TBC1D12: variants seen among roughly 807,000 people sequenced by gnomAD.
TBC1D12 encodes the protein TBC1 domain family, member 12.
TBC1D12 carries 56 observed loss-of-function variants against 86.7 expected under a neutral mutation model. The observed-to-expected ratio is 0.65, with a 90% CI of 0.52 to 0.81. The LOEUF (loss-of-function observed/expected upper bound fraction) is 0.81, where lower values mean the gene tolerates loss of function less well. TBC1D12 is among the 30% of genes least tolerant of loss of function. The pLI, the probability that TBC1D12 is intolerant of heterozygous loss-of-function variation, is 0.00. For missense variants in TBC1D12, 1,023 were observed against 1,038.8 expected, an observed-to-expected ratio of 0.98 and a Z score of 0.21; for synonymous variants, 421 against 411.7, an observed-to-expected ratio of 1.02 and a Z score of -0.27.
intron 9 of TBC1D12, among the ~76,000 whole-genome samples, chr10:94,516,075 G>C (rs576738175): frequency 6.7e-6 from 1 of 149,748 alleles, no homozygotes; most frequent in South Asian, 2.2e-4. Flanking sequence ...ACTGTTGACC[G>C]TAGGAAACTG....
At chr10:94,480,635 C>T (rs1404232196) in intron 3 of TBC1D12, among the ~76,000 whole-genome samples, 1 of 151,720 alleles carries the variant, frequency 6.6e-6, no homozygotes, top group African/African-American at 2.4e-5. Flanking sequence ...TTTCCCAGTT[C>T]AGTGACTGCA....
intron 1 of TBC1D12, among the ~76,000 whole-genome samples, chr10:94,406,697 A>G (rs1219975382): frequency 6.6e-6 from 1 of 152,104 alleles, no homozygotes; most frequent in African/African-American, 2.4e-5. Flanking sequence ...ATCCAACCCT[A>G]CCCCTAAATG....
rs114970079 is a variant in TBC1D12, at chr10:94,468,532, A to G, written c.1096-6136A>G. 8.1e-3 allele frequency among the ~76,000 whole-genome samples: 1,237 copies of G among 152,186 alleles called. 16 individuals are homozygous for G. Among genetic ancestry groups the G allele is most frequent in the African/African-American group, 0.027 (1,117 of 41,524 alleles). On this transcript the variant is annotated intron_variant, in intron 2 of 12. Transcript: ENST00000225235. ...ATTTTTCTATTGTCTTTTGACTGGAATAATTTTAGGGGAAAAGTCTTGTAA... is the reference window on the plus strand; with the variant it reads ...ATTTTTCTATTGTCTTTTGACTGGAGTAATTTTAGGGGAAAAGTCTTGTAA...
chr10:94,403,591 C>G lies in TBC1D12; in HGVS notation c.971+7C>G, dbSNP rs751121015. 1.4e-6 allele frequency: 2 copies of G among 1,459,350 alleles called. No individual in the cohort carries two copies. Among genetic ancestry groups the G allele is most frequent in the Non-Finnish European group, 1.8e-6 (2 of 1,115,084 alleles). The allele number at this position is 1,459,350 out of a possible 1,614,324, so 90.4% of individuals were successfully genotyped here. A position where few individuals can be genotyped will look rare whatever the true frequency, so the allele number is the denominator to read the frequency against. ...TCGCGGACTTCTTCACCAGGTACAG[C>G]GCAGGCTGCATGGGACTCGGGGCGG... On this transcript the variant is annotated splice_region_variant and intron_variant, in intron 1 of 12. Coordinates refer to ENST00000225235, the MANE Select transcript of TBC1D12 (RefSeq NM_015188.2).
chr10:94,510,906 CAGTTT>C (rs1346238954), intron 8 of TBC1D12, among the ~76,000 whole-genome samples: 1 of 151,928 alleles, frequency 6.6e-6, no homozygotes, highest in African/African-American at 2.4e-5. Flanking sequence ...ATTATTAACA[CAGTTT>C]AGTTTAGCTT....
chr10:94,520,940 C>T (rs909646931), intron 9 of TBC1D12, among the ~76,000 whole-genome samples: 2 of 152,180 alleles, frequency 1.3e-5, no homozygotes, highest in African/African-American at 4.8e-5. Context: ...GGATTACAGG[C>T]GTGAGCCACT....
At chr10:94,412,912 G>C (rs775686922) in intron 1 of TBC1D12, among the ~76,000 whole-genome samples, 1 of 152,180 alleles carries the variant, frequency 6.6e-6, no homozygotes, top group Non-Finnish European at 1.5e-5. Context: ...GGGGAGGGTT[G>C]TTAAGAATGC....
intron 6 of TBC1D12, among the ~76,000 whole-genome samples, chr10:94,505,934 G>A (rs1348619212): frequency 6.6e-6 from 1 of 152,016 alleles, no homozygotes; most frequent in Non-Finnish European, 1.5e-5. Context: ...GTATATGCTT[G>A]TGCATGCATA....
chr10:94,457,636 C>T (rs114998955), intron 2 of TBC1D12, among the ~76,000 whole-genome samples: 1,574 of 152,212 alleles, frequency 0.01, 26 homozygotes, highest in East Asian at 0.06. Context: ...ATTATTGATA[C>T]AGTTGGATTA....
At chr10:94,412,481 G>C (rs1040760039) in intron 1 of TBC1D12, among the ~76,000 whole-genome samples, 1 of 152,208 alleles carries the variant, frequency 6.6e-6, no homozygotes, top group African/African-American at 2.4e-5. Context: ...GACATTTCCC[G>C]AAGTCTTGAA....
chr10:94,519,744 C>G (rs1049027129), intron 9 of TBC1D12, among the ~76,000 whole-genome samples: 3 of 152,140 alleles, frequency 2.0e-5, no homozygotes, highest in African/African-American at 7.2e-5. Flanking sequence ...GCCTATAGCT[C>G]CATCTTCAAA....
chr10:94,403,054 C>T lies in TBC1D12; in HGVS notation c.441C>T (p.Arg147=). 2 of 1,550,432 alleles carry T rather than the reference C, an allele frequency of 1.3e-6. No homozygotes were observed. Among genetic ancestry groups the T allele is most frequent in the Non-Finnish European group, 1.7e-6 (2 of 1,153,482 alleles). Residue 147 remains arginine, a synonymous_variant, in exon 1 of 13, where the codon CGC becomes CGT. Transcript: ENST00000225235. Reference sequence around the variant, plus strand: ...GTTTTCTGCCGGGCCGGGACTGTCGCGATCTGGAAGAGGCTCGCGGGCTGG... The same window carrying T: ...GTTTTCTGCCGGGCCGGGACTGTCGTGATCTGGAAGAGGCTCGCGGGCTGG... ...DSGFLPGRDC[R]DLEEARGLAR...
At chr10:94,438,853 G>C (rs1031325367) in intron 1 of TBC1D12, among the ~76,000 whole-genome samples, 1 of 151,702 alleles carries the variant, frequency 6.6e-6, no homozygotes, top group Non-Finnish European at 1.5e-5. Flanking sequence ...TCCCAGGCTG[G>C]AGTACAGTGG....
At chr10:94,488,317 G>A (rs1175826365) in intron 3 of TBC1D12, among the ~76,000 whole-genome samples, 1 of 151,528 alleles carries the variant, frequency 6.6e-6, no homozygotes, top group Non-Finnish European at 1.5e-5. Flanking sequence ...CAACATGGGA[G>A]GCGGAGGCTG....
chr10:94,523,632 G>A (rs1256246520), intron 11 of TBC1D12, among the ~76,000 whole-genome samples: 1 of 151,874 alleles, frequency 6.6e-6, no homozygotes, highest in Non-Finnish European at 1.5e-5. Context: ...GCTTTTTACT[G>A]TTCCACACAC....
rs1292534950 is a variant in TBC1D12 at position 94,402,823 on chromosome 10, T to A, written c.210T>A (p.Leu70=). 3.9e-6 allele frequency: 6 copies of A among 1,541,782 alleles called. No individual in the cohort carries two copies. The South Asian group carries it at 7.2e-5, about 18-fold the overall frequency. The change falls in exon 1 of 13, where the codon CTT becomes CTA. Residue 70 remains leucine (L), a synonymous_variant. Coordinates refer to ENST00000225235, the MANE Select transcript of TBC1D12 (RefSeq NM_015188.2). ...AGGAGACGCCGCCTCGGCAGCTCCT[T>A]CAGCGTTACCTCGCGGCGGCCGGGG... The part of the protein sequence containing the change: ...EEEETPPRQL[L]QRYLAAAGEQ...
chr10:94,536,002 A>C lies in TBC1D12; in HGVS notation c.*2906A>C, dbSNP rs920310494. 7 of 152,100 alleles carry C rather than the reference A, an allele frequency of 4.6e-5. No homozygotes were observed. Among genetic ancestry groups the C allele is most frequent in the African/African-American group, 1.7e-4 (7 of 41,442 alleles). 9.4% of individuals were successfully genotyped at this position (152,100 alleles called of 1,614,324 possible). On this transcript the variant is annotated 3_prime_UTR_variant, in exon 13 of 13. Coordinates refer to ENST00000225235, the MANE Select transcript of TBC1D12 (RefSeq NM_015188.2). ...AACTGCATCTCAAGGAAACAAAGGAAATAATCTTTGTTTTTGTTTGCCAAA... is the reference window on the plus strand; with the variant it reads ...AACTGCATCTCAAGGAAACAAAGGACATAATCTTTGTTTTTGTTTGCCAAA...
rs143552651 is a variant in TBC1D12, at chr10:94,530,115, C to T, written c.2001-1087C>T. ...ATTTTGGCGAGGAAGCTTTTAGTTC[C>T]CTTCCTCAAACCCCATCAGCACTAC... is the stretch of plus-strand genomic sequence containing the variant. On this transcript the variant is annotated intron_variant, in intron 11 of 12. Coordinates refer to ENST00000225235, the MANE Select transcript of TBC1D12 (RefSeq NM_015188.2). Among the ~76,000 whole-genome samples the T allele has an allele frequency of 3.3e-3, 508 of 152,126 alleles. 2 individuals carry two copies. The highest frequency in any genetic ancestry group is 0.012 in the African/African-American group (484 of 41,502).
At chr10:94,493,170 AC>A (rs1329541308) in intron 3 of TBC1D12, among the ~76,000 whole-genome samples, 194 bp from the exon 4 acceptor site, 1 of 150,410 alleles carries the variant, frequency 6.6e-6, no homozygotes, top group South Asian at 2.1e-4. Flanking sequence ...ACACACACAC[AC>A]ACACCACATA....
Sources: gnomAD v4.1 joint callset for allele counts (sites outside exome capture counted in the v4.1 genomes callset) on GRCh38, gnomAD v4.1.1 for gene constraint, MANE v1.5 for transcripts, NCBI Gene and HGNC (gene_info 2026-07-23, HGNC 2026-07-21) for gene names.